The following CEP43 variants were observed in gnomAD, a reference collection of about 807,000 sequenced individuals.
The protein encoded by CEP43 is centrosomal protein 43.
Under a neutral mutation model 52.6 loss-of-function variants are expected in CEP43, and 36 were observed. The observed-to-expected ratio is 0.68, with a 90% CI of 0.52 to 0.90. The LOEUF is 0.90. Among genes scored for constraint, CEP43 ranks in the 40% least tolerant of loss-of-function variants. The pLI is 0.00. For missense variants in CEP43, 506 were observed against 472.8 expected (o/e 1.07, Z -0.65); for synonymous variants, 192 against 172.4 (o/e 1.11, Z -0.89).
chr6:167,015,192 T>A (rs959183088), intron 7 of CEP43, among the ~76,000 whole-genome samples: 1 of 152,156 alleles, frequency 6.6e-6, no homozygotes, highest in Non-Finnish European at 1.5e-5. Context: ...AGTCCATAAT[T>A]TGGGTCTCTT....
intron 7 of CEP43, among the ~76,000 whole-genome samples, chr6:167,015,882 TAAAA>T (rs1276063306): frequency 6.6e-6 from 1 of 152,094 alleles, no homozygotes; most frequent in Non-Finnish European, 1.5e-5. Flanking sequence ...AAGATAAAAA[TAAAA>T]TAAAGATTAA....
Position 167,041,249 on chromosome 6 carries a change from C to T in CEP43, c.*1271C>T, listed in dbSNP as rs1780688392. 9.5e-7 allele frequency: 1 copy of T among 1,047,494 alleles called. No individual in the cohort carries two copies. The highest frequency in any genetic ancestry group is 1.2e-6 in the Non-Finnish European group (1 of 868,248). The allele number at this position is 1,047,494 out of a possible 1,614,324, so 64.9% of individuals were successfully genotyped here. The stretch of plus-strand genomic sequence containing the variant: ...ATTAGCCTAAATATTACAGAAATTA[C>T]TCCTTGGGCTCTAAAATGTAGAGGA... On this transcript the variant is annotated 3_prime_UTR_variant, in exon 13 of 13. Coordinates refer to ENST00000366847, the MANE Select transcript of CEP43 (RefSeq NM_007045.4).
In CEP43 at chr6:167,017,002, T is replaced by TA. The variant is rs1562527268; in HGVS notation, c.579+3435_579+3436insA. ...TTATTATTTATTTATTTTTTTTTTT[T>TA]TTTATTTTTTTGAGATGGAGTCTCT... On this transcript the variant is annotated intron_variant, in intron 7 of 12. Transcript: ENST00000366847. Among the ~76,000 whole-genome samples the TA allele has an allele frequency of 4.7e-3, 701 of 150,608 alleles. 5 individuals carry two copies. Among genetic ancestry groups the TA allele is most frequent in the African/African-American group, 0.017 (679 of 40,862 alleles).
rs1780790842 is a variant in CEP43 at position 167,046,015 on chromosome 6, C to A, written c.*6037C>A. 6.6e-6 allele frequency: 1 copy of A among 152,206 alleles called. No individual in the cohort carries two copies. The highest frequency in any genetic ancestry group is 2.4e-5 in the African/African-American group (1 of 41,436). 9.4% of individuals were successfully genotyped at this position (152,206 alleles called of 1,614,324 possible). On this transcript the variant is annotated 3_prime_UTR_variant, in exon 13 of 13. Transcript: ENST00000366847. ...AGCTCTCATGGGTTCATCCCTGCTG[C>A]GGGCATTGCTCCACCAAGGGGCAGT...
At chr6:167,029,694 CAT>C (rs1410928581) in intron 10 of CEP43, among the ~76,000 whole-genome samples, 1 of 152,260 alleles carries the variant, frequency 6.6e-6, no homozygotes, top group Admixed American at 6.5e-5. Context: ...ATCTTTGTCT[CAT>C]GTGTCTGTCT....
Position 166,999,440 on chromosome 6 carries a change from G to T in CEP43, c.28G>T (p.Ala10Ser). 1.4e-6 allele frequency: 2 copies of T among 1,481,070 alleles called. No individual in the cohort carries two copies. Among genetic ancestry groups the T allele is most frequent in the Non-Finnish European group, 1.8e-6 (2 of 1,113,242 alleles). The allele number at this position is 1,481,070 out of a possible 1,614,324, so 91.7% of individuals were successfully genotyped here. MAATAAAVVAEEDTELRDLL... is the reference protein window; with the variant it reads MAATAAAVVSEEDTELRDLL... ...GGCGGCGACGGCGGCCGCAGTGGTG[G>T]CCGAGGAGGACACGGAGCTGCGGGA... Residue 10 changes from alanine (A) to serine (S), a missense_variant, in exon 1 of 13, where the codon GCC (alanine) becomes TCC (serine). Physicochemically the swap from Ala to Ser is moderately conservative, Grantham distance 99 (BLOSUM62 1). Transcript: ENST00000366847.
rs115130657 is a variant in CEP43, at chr6:167,044,126, A to C, written c.*4148A>C. The C allele has an allele frequency of 0.02, 3,084 of 152,322 alleles. 52 individuals are homozygous for C. The highest frequency in any genetic ancestry group is 0.091 in the East Asian group (469 of 5,172). 9.4% of individuals were successfully genotyped at this position (152,322 alleles called of 1,614,324 possible). On this transcript the variant is annotated 3_prime_UTR_variant, in exon 13 of 13. Coordinates refer to ENST00000366847, the MANE Select transcript of CEP43 (RefSeq NM_007045.4). Reference sequence around the variant, plus strand: ...CTGCCGGTACCTTGATCTTGGACTTAAGCCATCTGAGCTGTGAGCCCTACA... The same window carrying C: ...CTGCCGGTACCTTGATCTTGGACTTCAGCCATCTGAGCTGTGAGCCCTACA...
chr6:167,012,286 A>G (rs1780003346), intron 6 of CEP43, among the ~76,000 whole-genome samples: 2 of 152,060 alleles, frequency 1.3e-5, no homozygotes, highest in Admixed American at 1.3e-4. Flanking sequence ...CTTCATTTCT[A>G]ACCAAAGAAA....
chr6:167,030,843 G>A (rs1436164105), intron 10 of CEP43, among the ~76,000 whole-genome samples: 1 of 139,606 alleles, frequency 7.2e-6, no homozygotes, highest in African/African-American at 2.6e-5. Context: ...TTTCACTCCT[G>A]TCTTCCCCCA....
intron 2 of CEP43, 32 bp downstream of exon 2, chr6:167,000,145 A>T: frequency 6.8e-7 from 1 of 1,465,324 alleles, no homozygotes; most frequent in African/African-American, 1.4e-5. Context: ...ACATGGCTGT[A>T]TTCGTTAATA....
Position 167,043,848 on chromosome 6 carries a change from C to A in CEP43, c.*3870C>A, listed in dbSNP as rs894760832. ...AAAGACAGATGAACAAAGAACTGATCTTGAAGAAAATGTAATCAGGAAACG... is the reference window on the plus strand; with the variant it reads ...AAAGACAGATGAACAAAGAACTGATATTGAAGAAAATGTAATCAGGAAACG... On this transcript the variant is annotated 3_prime_UTR_variant, in exon 13 of 13. Transcript: ENST00000366847. 6.6e-6 allele frequency: 1 copy of A among 152,136 alleles called. No individual in the cohort carries two copies. The highest frequency in any genetic ancestry group is 2.4e-5 in the African/African-American group (1 of 41,416). 9.4% of individuals were successfully genotyped at this position (152,136 alleles called of 1,614,324 possible).
intron 12 of CEP43, among the ~76,000 whole-genome samples, chr6:167,035,693 C>T (rs144794176): frequency 0.02 from 3,085 of 152,006 alleles, 54 homozygotes; most frequent in East Asian, 0.092. Flanking sequence ...CAGCCTCCCG[C>T]GTAGCTGGGA....
rs1032488887 is a variant in CEP43, at chr6:167,048,511, A to C, written c.*8533A>C. ...AACTGAGATTGCATCACTGCACTAC[A>C]GCCTGGGTGACAGAGTAAGACCCTA... On this transcript the variant is annotated 3_prime_UTR_variant, in exon 13 of 13. Transcript: ENST00000366847. 33 of 152,320 alleles carry C rather than the reference A, an allele frequency of 2.2e-4. No homozygotes were observed. Among genetic ancestry groups the C allele is most frequent in the African/African-American group, 6.5e-4 (27 of 41,568 alleles). 9.4% of individuals were successfully genotyped at this position (152,320 alleles called of 1,614,324 possible).
intron 6 of CEP43, among the ~76,000 whole-genome samples, chr6:167,012,090 C>T (rs1312543175): frequency 6.6e-6 from 1 of 152,186 alleles, no homozygotes; most frequent in African/African-American, 2.4e-5. Flanking sequence ...GATCGACTCT[C>T]AGATACAGTT....
chr6:167,040,977 C>A lies in CEP43; in HGVS notation c.*999C>A. The A allele has an allele frequency of 9.8e-7, 1 of 1,024,874 alleles. No homozygotes were observed. The highest frequency in any genetic ancestry group is 1.2e-6 in the Non-Finnish European group (1 of 852,782). 63.5% of individuals were successfully genotyped at this position (1,024,874 alleles called of 1,614,324 possible). On this transcript the variant is annotated 3_prime_UTR_variant, in exon 13 of 13. Coordinates refer to ENST00000366847, the MANE Select transcript of CEP43 (RefSeq NM_007045.4). ...AGCATTATTGCTATTATGTAGGTCA[C>A]GGATGTTTATAATACTAAAGTATTT...
In CEP43 at chr6:167,029,987, A is replaced by G. The variant is rs142561090; in HGVS notation, c.989-2616A>G. On this transcript the variant is annotated intron_variant, in intron 10 of 12. Coordinates refer to ENST00000366847, the MANE Select transcript of CEP43 (RefSeq NM_007045.4). ...AAGGGTGGGGGAGATTACAAAGTACATTGATCAGTTAGGGTAGGGCAGAAA... is the reference window on the plus strand; with the variant it reads ...AAGGGTGGGGGAGATTACAAAGTACGTTGATCAGTTAGGGTAGGGCAGAAA... 3.3e-3 allele frequency among the ~76,000 whole-genome samples: 507 copies of G among 152,358 alleles called. 3 individuals are homozygous for G. The highest frequency in any genetic ancestry group is 0.012 in the African/African-American group (483 of 41,578).
intron 12 of CEP43, among the ~76,000 whole-genome samples, chr6:167,038,765 A>G (rs1342630074): frequency 6.6e-6 from 1 of 152,220 alleles, no homozygotes; most frequent in East Asian, 1.9e-4. Flanking sequence ...AGTATAAAGT[A>G]ATACTTTACA....
chr6:167,024,963 T>C (rs556298683), intron 9 of CEP43, 69 bp downstream of exon 9: 4 of 849,706 alleles, frequency 4.7e-6, no homozygotes, highest in South Asian at 4.6e-5. Context: ...TATGTGATTA[T>C]TGTTGATTTT....
At chr6:167,039,481 A>G (rs1780650044) in intron 12 of CEP43, among the ~76,000 whole-genome samples, 1 of 152,038 alleles carries the variant, frequency 6.6e-6, no homozygotes, top group Non-Finnish European at 1.5e-5. Context: ...ATATACCACA[A>G]TGTCTTTATC....
Sources: allele counts gnomAD v4.1 joint callset (sites outside exome capture counted in the v4.1 genomes callset), GRCh38; gene constraint gnomAD v4.1.1; transcripts MANE v1.5; gene names NCBI Gene and HGNC (gene_info 2026-07-23, HGNC 2026-07-21).